ZNF746: variants seen among roughly 807,000 people sequenced by gnomAD.
ZNF746 encodes the protein parkin-interacting substrate.
In ZNF746, 13 loss-of-function variants were observed where a neutral mutation model predicts 41.0. That is an observed-to-expected ratio of 0.32 (90% CI 0.21 to 0.50). The LOEUF (loss-of-function observed/expected upper bound fraction) is 0.50, where lower values mean the gene tolerates loss of function less well. ZNF746 is among the 20% of genes least tolerant of loss of function. ZNF746 has a pLI of 0.98. For missense variants in ZNF746, 811 were observed against 922.9 expected, an observed-to-expected ratio of 0.88 and a Z score of 1.57; for synonymous variants, 424 against 396.2, an observed-to-expected ratio of 1.07 and a Z score of -0.83.
rs1480041131 is a variant in ZNF746 at position 149,493,996 on chromosome 7, G to A, written c.444C>T (p.Val148=). ...ATGAGTGTCAGGCCTTACCCAGGGAGACCAGCGTCTCGTAGTTGCCCCTCA... is the reference window on the plus strand; with the variant it reads ...ATGAGTGTCAGGCCTTACCCAGGGAAACCAGCGTCTCGTAGTTGCCCCTCA... ...HVMRGNYETL[V]SLDYAISKPE... is the part of the protein sequence containing the mutation. Residue 148 remains valine, a synonymous_variant, in exon 3 of 7, where the codon GTC becomes GTT. Transcript: ENST00000458143. The A allele has an allele frequency of 6.2e-7, 1 of 1,614,094 alleles. No homozygotes were observed. The highest frequency in any genetic ancestry group is 8.5e-7 in the Non-Finnish European group (1 of 1,180,042).
In ZNF746 at chr7:149,477,775, T is replaced by A; in HGVS notation, c.566-20A>T. 6.3e-7 allele frequency: 1 copy of A among 1,585,512 alleles called. No individual in the cohort carries two copies. Among genetic ancestry groups the A allele is most frequent in the East Asian group, 2.3e-5 (1 of 44,250 alleles). On this transcript the variant is annotated intron_variant, in intron 4 of 6. Coordinates refer to ENST00000458143, the MANE Select transcript of ZNF746 (RefSeq NM_001394198.1). ...CCGAGCCTAGGAAAGGGAGTGAGTG[T>A]GAGGATACAGCATCACGGCCCCTCA...
chr7:149,479,451 AAAT>A (rs1800419922), intron 4 of ZNF746, among the ~76,000 whole-genome samples: 2 of 152,380 alleles, frequency 1.3e-5, no homozygotes, highest in Non-Finnish European at 1.5e-5. Flanking sequence ...CAAATTTAAA[AAAT>A]AATCTCATAT....
Position 149,494,192 on chromosome 7 carries a change from T to G in ZNF746, c.324+12A>C, listed in dbSNP as rs781064241. 11 of 1,607,704 alleles carry G rather than the reference T, an allele frequency of 6.8e-6. No individual in the cohort carries two copies. In the African/African-American group the frequency reaches 1.5e-4, roughly 22 times the overall value. On this transcript the variant is annotated intron_variant, in intron 2 of 6. Coordinates refer to ENST00000458143, the MANE Select transcript of ZNF746 (RefSeq NM_001394198.1). This position sits in a 1 kb window ranked among gnomAD's most constrained non-coding sequence, Gnocchi z 5.6. ...GCTTGGGCTCCCACACCCCAAGGCG[T>G]CCCAGGGCTACCTTAGGGGACTCCC...
At chr7:149,477,862 C>T (rs1452072422) in intron 4 of ZNF746, 107 bp from the exon 5 acceptor site, 3 of 928,870 alleles carry the variant, frequency 3.2e-6, no homozygotes. Flanking sequence ...AAGGGTCCAA[C>T]AGCAAAAGAG....
chr7:149,476,801 A>C (rs1170513490), intron 6 of ZNF746, 121 bp downstream of exon 6: 1 of 1,359,600 alleles, frequency 7.4e-7, no homozygotes, highest in East Asian at 2.3e-5. Context: ...AAGAGTGCAG[A>C]CACCCTAATG....
chr7:149,477,423 A>C, intron 5 of ZNF746, 141 bp downstream of exon 5: 1 of 990,334 alleles, frequency 1.0e-6, no homozygotes, highest in South Asian at 1.6e-5. Flanking sequence ...GTACAGTCCT[A>C]CCTCGAGACG....
rs777534497 is a variant in ZNF746 at position 149,494,181 on chromosome 7, A to C, written c.324+23T>G. Reference sequence around the variant, plus strand: ...CGGGTTTGGCCGCTTGGGCTCCCACACCCCAAGGCGTCCCAGGGCTACCTT... The same window carrying C: ...CGGGTTTGGCCGCTTGGGCTCCCACCCCCCAAGGCGTCCCAGGGCTACCTT... On this transcript the variant is annotated intron_variant, in intron 2 of 6. Transcript: ENST00000458143. The surrounding 1 kb of genome is among the most constrained non-coding windows in gnomAD (Gnocchi z 5.6). 3.9e-5 allele frequency: 63 copies of C among 1,613,164 alleles called. No homozygotes were observed. The highest frequency in any genetic ancestry group is 5.2e-5 in the Non-Finnish European group (61 of 1,179,466).
In ZNF746 at chr7:149,474,972, C is replaced by G. The variant is rs1298354364; in HGVS notation, c.1395G>C (p.Gly465=). 1.3e-6 allele frequency: 2 copies of G among 1,548,422 alleles called. No homozygotes were observed. The highest frequency in any genetic ancestry group is 2.0e-5 in the Admixed American group (1 of 50,742). The stretch of plus-strand genomic sequence containing the variant: ...ACGTGGCGCAGGTGAAGGGCCGGCC[C>G]CCGGGGGGCGCCGCGGGGTGCTTCT... The part of the protein sequence containing the change: ...GLKKHPAAPP[G]GRPFTCATCG... Residue 465 remains glycine (G), a synonymous_variant, in exon 7 of 7, where the codon GGG becomes GGC. Transcript: ENST00000458143. This position sits in a 1 kb window ranked among gnomAD's most constrained non-coding sequence, Gnocchi z 6.3.
chr7:149,496,760 T>G, intron 1 of ZNF746: 1 of 956,644 alleles, frequency 1.0e-6, no homozygotes, highest in Non-Finnish European at 1.2e-6. Context: ...CTGACACTCC[T>G]TCCCCCGGAG....
In ZNF746 at chr7:149,472,808, GTTTTA is replaced by G. The variant is rs1489979510; in HGVS notation, c.*1571_*1575del. 7 of 152,532 alleles carry G rather than the reference GTTTTA, an allele frequency of 4.6e-5. No homozygotes were observed. The highest frequency in any genetic ancestry group is 4.1e-4 in the South Asian group (2 of 4,832). The allele number at this position is 152,532 out of a possible 1,614,324, so 9.4% of individuals were successfully genotyped here. The stretch of plus-strand genomic sequence containing the variant: ...AACAAACTGCCTTGGTGCTGGTTAG[GTTTTA>G]TTTTAACAGGATGTTTTCTCTTATT... On this transcript the variant is annotated 3_prime_UTR_variant, in exon 7 of 7. Transcript: ENST00000458143.
At chr7:149,484,015 G>A (rs1800553869) in intron 4 of ZNF746, among the ~76,000 whole-genome samples, 1 of 152,112 alleles carries the variant, frequency 6.6e-6, no homozygotes, top group African/African-American at 2.4e-5. Context: ...AACTAAAGAA[G>A]AAATAGAAAA....
At chr7:149,486,958 C>A (rs1467943953) in intron 4 of ZNF746, among the ~76,000 whole-genome samples, 1 of 152,174 alleles carries the variant, frequency 6.6e-6, no homozygotes, top group East Asian at 1.9e-4. Flanking sequence ...CCCGGGGAAC[C>A]TGGACTGCAC....
At chr7:149,476,819 G>T in intron 6 of ZNF746, 103 bp downstream of exon 6, 2 of 1,520,278 alleles carry the variant, frequency 1.3e-6, no homozygotes, top group Non-Finnish European at 1.8e-6. Context: ...ATGTCTGTTG[G>T]CTGGAAGGTC....
chr7:149,476,431 G>A (rs1375052533), intron 6 of ZNF746, among the ~76,000 whole-genome samples: 1 of 149,778 alleles, frequency 6.7e-6, no homozygotes, highest in Non-Finnish European at 1.5e-5. Flanking sequence ...CGTTTTTTGG[G>A]TGCTAAAATA....
rs767218258 is a variant in ZNF746, at chr7:149,474,447, G to C, written c.1920C>G (p.Asp640Glu). 2.5e-6 allele frequency: 4 copies of C among 1,611,654 alleles called. No homozygotes were observed. Among genetic ancestry groups the C allele is most frequent in the Non-Finnish European group, 3.4e-6 (4 of 1,178,982 alleles). The change falls in exon 7 of 7, where the codon GAC (aspartate) becomes GAG (glutamate). Residue 640 changes from aspartate to glutamate, a missense_variant. Asp to Glu is a conservative substitution (Grantham distance 45, BLOSUM62 2). Transcript: ENST00000458143. This position sits in a 1 kb window ranked among gnomAD's most constrained non-coding sequence, Gnocchi z 6.3. ...PASKGPLAST[D>E]LVTDWTCGLS... ...GGCCACAAGTCCAGTCGGTCACAAG[G>C]TCTGTGGAGGCCAAAGGTCCTTTGG... is the stretch of plus-strand genomic sequence containing the variant.
chr7:149,474,556 T>G lies in ZNF746; in HGVS notation c.1811A>C (p.His604Pro). 6.2e-7 allele frequency: 1 copy of G among 1,610,298 alleles called. No homozygotes were observed. The highest frequency in any genetic ancestry group is 8.5e-7 in the Non-Finnish European group (1 of 1,178,310). Residue 604 changes from histidine (H) to proline (P), a missense_variant, in exon 7 of 7, where the codon CAT (histidine) becomes CCT (proline). By Grantham distance (77) the His-to-Pro change is moderately conservative. Around this residue, in one of 4 missense-constraint regions of ZNF746, gnomAD observed 70 missense variants for 127.6 expected, o/e 0.55. Coordinates refer to ENST00000458143, the MANE Select transcript of ZNF746 (RefSeq NM_001394198.1). This position sits in a 1 kb window ranked among gnomAD's most constrained non-coding sequence, Gnocchi z 6.3. The stretch of plus-strand genomic sequence containing the variant: ...GGCCGGGGTCTTGGCGCCCGCTGCA[T>G]GGTTGCGCTGGTGCTTGCGGAGGTG... ...KDHLRKHQRNHAAGAKTPARG... is the reference protein window; with the variant it reads ...KDHLRKHQRNPAAGAKTPARG...
intron 1 of ZNF746, chr7:149,496,982 G>A (rs531353557): frequency 1.0e-6 from 1 of 985,346 alleles, no homozygotes; most frequent in Non-Finnish European, 1.2e-6. Context: ...CATCCCACAG[G>A]CTTGCTGTGA....
At chr7:149,482,492 C>A (rs1800512295) in intron 4 of ZNF746, among the ~76,000 whole-genome samples, 2 of 145,636 alleles carry the variant, frequency 1.4e-5, no homozygotes, top group Non-Finnish European at 3.0e-5. Context: ...TGAGATGGAG[C>A]CTTGCTCTGC....
intron 1 of ZNF746, among the ~76,000 whole-genome samples, chr7:149,495,878 T>TGAA (rs1389250038): frequency 1.3e-5 from 2 of 152,298 alleles, no homozygotes; most frequent in African/African-American, 2.4e-5. Flanking sequence ...CTGGACAAGC[T>TGAA]GAACTGTTTC....
Sources: allele counts gnomAD v4.1 joint callset (sites outside exome capture counted in the v4.1 genomes callset), GRCh38; gene constraint gnomAD v4.1.1; regional missense constraint gnomAD v4.1.1; non-coding constraint Gnocchi (gnomAD v3.1); transcripts MANE v1.5; gene names NCBI Gene and HGNC (gene_info 2026-07-23, HGNC 2026-07-21).